Variants in LMBR1 observed in about 807,000 individuals in gnomAD.
LMBR1 encodes limb region 1 protein homolog.
A neutral mutation model predicts 73.9 loss-of-function variants in LMBR1; 52 were observed. The ratio of observed to expected loss-of-function variants is 0.70; its 90% CI spans 0.56 to 0.89. The LOEUF is 0.89. Ranked by LOEUF, LMBR1 falls within the 40% of genes least tolerant of loss-of-function variation. The pLI, the probability that LMBR1 is intolerant of heterozygous loss-of-function variation, is 0.00. For synonymous variants in LMBR1, 215 were observed against 209.4 expected, an observed-to-expected ratio of 1.03 and a Z score of -0.23; for missense variants, 539 against 579.8, an observed-to-expected ratio of 0.93 and a Z score of 0.72.
chr7:156,689,894 C>CT (rs995115159), intron 15 of LMBR1, among the ~76,000 whole-genome samples: 20 of 152,190 alleles, frequency 1.3e-4, no homozygotes, highest in African/African-American at 4.1e-4. Context: ...AGGAAGTGAT[C>CT]TTTAAACAAG....
rs1755039779 is a variant in LMBR1, at chr7:156,670,108, A to G, written n.867-821T>C. Among the ~76,000 whole-genome samples the G allele has an allele frequency of 1.3e-5, 2 of 152,234 alleles. No individual in the cohort carries two copies. The highest frequency in any genetic ancestry group is 6.5e-5 in the Admixed American group (1 of 15,286). On this transcript the variant is annotated intron_variant and non_coding_transcript_variant, in intron 4 of 4. Coordinates refer to the LMBR1 transcript ENST00000430825. The surrounding 1 kb of genome is among the most constrained non-coding windows in gnomAD (Gnocchi z 4.3). ...ATAAATTTTATGACTTTCACAGTGC[A>G]TCTTTACACCAGAATGTCAGTTTTA...
intron 4 of LMBR1, among the ~76,000 whole-genome samples, chr7:156,810,280 G>A (rs1215627631): frequency 6.6e-6 from 1 of 152,086 alleles, no homozygotes; most frequent in African/African-American, 2.4e-5. Context: ...GCTCTTATGA[G>A]AATAAAGAAC....
intron 5 of LMBR1, among the ~76,000 whole-genome samples, chr7:156,792,811 A>G (rs986531382): frequency 3.3e-5 from 5 of 152,336 alleles, no homozygotes; most frequent in Non-Finnish European, 7.3e-5. Flanking sequence ...CTGTTTGAAC[A>G]TCGATTGCCC....
At chr7:156,770,272 G>A (rs958830576) in intron 5 of LMBR1, among the ~76,000 whole-genome samples, 1 of 151,908 alleles carries the variant, frequency 6.6e-6, no homozygotes, top group Non-Finnish European at 1.5e-5. Context: ...TCCCATCTCA[G>A]CCCCCTGAGT....
intron 4 of LMBR1, among the ~76,000 whole-genome samples, chr7:156,825,834 G>A (rs1835592341): frequency 6.6e-6 from 1 of 152,218 alleles, no homozygotes; most frequent in Non-Finnish European, 1.5e-5. Flanking sequence ...GGAAGCCGCG[G>A]TGAGAGGACA....
chr7:156,736,871 A>T (rs934909730), intron 9 of LMBR1, among the ~76,000 whole-genome samples: 1 of 152,074 alleles, frequency 6.6e-6, no homozygotes, highest in African/African-American at 2.4e-5. Flanking sequence ...CAAACCCAAA[A>T]CATCCTGCCA....
At chr7:156,723,982 A>C (rs1471624984) in intron 15 of LMBR1, 130 bp downstream of exon 15, 1 of 637,050 alleles carries the variant, frequency 1.6e-6, no homozygotes, top group East Asian at 2.8e-5. Context: ...TAGAAGTAAA[A>C]GTGTAAAATA....
intron 1 of LMBR1, among the ~76,000 whole-genome samples, chr7:156,844,196 C>T (rs1466828443): frequency 9.9e-5 from 15 of 151,918 alleles, no homozygotes; most frequent in Admixed American, 6.6e-4. Flanking sequence ...TGGTGGTACA[C>T]GCCTGTAATA....
chr7:156,870,380 G>C (rs1799092874), intron 1 of LMBR1, among the ~76,000 whole-genome samples: 2 of 152,084 alleles, frequency 1.3e-5, no homozygotes, highest in Admixed American at 1.3e-4. Flanking sequence ...GACTATAAAA[G>C]AATGAAAACT....
intron 3 of LMBR1, among the ~76,000 whole-genome samples, chr7:156,830,568 C>T (rs535766802): frequency 6.6e-6 from 1 of 152,350 alleles, no homozygotes; most frequent in African/African-American, 2.4e-5. Flanking sequence ...ATCAAAAGGT[C>T]TGATTCTCTG....
intron 1 of LMBR1, among the ~76,000 whole-genome samples, chr7:156,859,939 T>C (rs531473008): frequency 6.6e-6 from 1 of 152,218 alleles, no homozygotes; most frequent in African/African-American, 2.4e-5. Flanking sequence ...GGTGAAAGAA[T>C]AGAAAAAGAT....
intron 15 of LMBR1, among the ~76,000 whole-genome samples, chr7:156,694,918 C>T (rs1807971018): frequency 6.6e-6 from 1 of 152,148 alleles, no homozygotes; most frequent in Admixed American, 6.5e-5. Flanking sequence ...AAGACCTAAA[C>T]AAAACTACAA....
intron 1 of LMBR1, among the ~76,000 whole-genome samples, chr7:156,879,929 G>T (rs1800814063): frequency 6.6e-6 from 1 of 152,188 alleles, no homozygotes; most frequent in African/African-American, 2.4e-5. Context: ...AACCACTATG[G>T]AAAACAGTGT....
chr7:156,752,973 G>A (rs1821178944), intron 9 of LMBR1, among the ~76,000 whole-genome samples: 1 of 150,802 alleles, frequency 6.6e-6, no homozygotes, highest in African/African-American at 2.4e-5. Flanking sequence ...AAATGATGGG[G>A]GGTGAGAAAA....
In LMBR1 at chr7:156,669,647, A is replaced by C. The variant is rs1164056909; in HGVS notation, n.867-360T>G. Among the ~76,000 whole-genome samples the C allele has an allele frequency of 1.3e-5, 2 of 152,182 alleles. No individual in the cohort carries two copies. The highest frequency in any genetic ancestry group is 1.3e-4 in the Admixed American group (2 of 15,288). On this transcript the variant is annotated intron_variant and non_coding_transcript_variant, in intron 4 of 4. Coordinates refer to the LMBR1 transcript ENST00000430825. This position sits in a 1 kb window ranked among gnomAD's most constrained non-coding sequence, Gnocchi z 4.2. ...CGACCCACAGCCACGTGAACACTGG[A>C]AACTGCCCTCAGAGCCCCGGGGATG...
chr7:156,725,571 C>T, intron 13 of LMBR1, 46 bp from the exon 14 acceptor site: 1 of 1,422,746 alleles, frequency 7.0e-7, no homozygotes, highest in Non-Finnish European at 9.7e-7. Context: ...TGCAAGTTTC[C>T]TAAGTTCTCG....
chr7:156,810,654 A>G (rs758193726), intron 4 of LMBR1, among the ~76,000 whole-genome samples: 16 of 151,880 alleles, frequency 1.1e-4, no homozygotes, highest in Non-Finnish European at 2.2e-4. Context: ...AGGCTTCCCA[A>G]AGTGCTGGGA....
intron 15 of LMBR1, among the ~76,000 whole-genome samples, chr7:156,718,522 G>C (rs1358820105): frequency 6.6e-6 from 1 of 152,052 alleles, no homozygotes; most frequent in Non-Finnish European, 1.5e-5. Flanking sequence ...CTAGGAATTT[G>C]AGGCAAGCCT....
At chr7:156,749,011 A>C (rs1820354558) in intron 9 of LMBR1, among the ~76,000 whole-genome samples, 1 of 152,194 alleles carries the variant, frequency 6.6e-6, no homozygotes, top group Non-Finnish European at 1.5e-5. Flanking sequence ...AAGAAGCTGA[A>C]TAAATTATAA....
Sources: allele counts gnomAD v4.1 joint callset (sites outside exome capture counted in the v4.1 genomes callset), GRCh38; gene constraint gnomAD v4.1.1; non-coding constraint Gnocchi (gnomAD v3.1); transcripts MANE v1.5; gene names NCBI Gene and HGNC (gene_info 2026-07-23, HGNC 2026-07-21).